Variants in XKR4 observed in about 807,000 individuals in gnomAD.
XKR4 encodes the protein XK related 4, also known as XK-related protein 4.
Under a neutral mutation model 53.9 loss-of-function variants are expected in XKR4, and 12 were observed. The observed-to-expected ratio is 0.22, with a 90% confidence interval of 0.14 to 0.36. XKR4 has a LOEUF of 0.36. Among genes scored for constraint, XKR4 ranks in the 10% least tolerant of loss-of-function variants. The pLI, the probability that XKR4 is intolerant of heterozygous loss-of-function variation, is 1.00. For synonymous variants in XKR4, 354 were observed against 362.4 expected (o/e 0.98, Z 0.26); for missense variants, 799 against 859.5 (o/e 0.93, Z 0.88).
chr8:55,207,986 G>T (rs1308294166), intron 1 of XKR4, among the ~76,000 whole-genome samples: 1 of 152,196 alleles, frequency 6.6e-6, no homozygotes, highest in East Asian at 1.9e-4. Flanking sequence ...CCTTGTTTTA[G>T]CAGAATGATA....
intron 1 of XKR4, chr8:55,140,180 CTTTA>C (rs1409139532): frequency 4.7e-6 from 2 of 425,790 alleles, no homozygotes; most frequent in Non-Finnish European, 9.3e-6. Flanking sequence ...GTCTTTTCTT[CTTTA>C]TTTATCTCAA....
At chr8:55,338,156 A>G (rs2979055) in intron 1 of XKR4, among the ~76,000 whole-genome samples, 123,247 of 152,254 alleles carry the variant, frequency 0.81, 50,786 homozygotes, top group African/African-American at 0.95. Flanking sequence ...TTTAAAAAAG[A>G]ATCTGTTTTT....
At chr8:55,147,532 C>G (rs749899471) in intron 1 of XKR4, among the ~76,000 whole-genome samples, 1 of 152,190 alleles carries the variant, frequency 6.6e-6, no homozygotes, top group Admixed American at 6.5e-5. Flanking sequence ...AGTTCACATG[C>G]TTTTGAGGGG....
chr8:55,213,610 G>C (rs965985212), intron 1 of XKR4, among the ~76,000 whole-genome samples: 21 of 152,288 alleles, frequency 1.4e-4, no homozygotes, highest in African/African-American at 4.6e-4. Flanking sequence ...TCCCAGGCAA[G>C]AAGGGGGTTT....
intron 1 of XKR4, among the ~76,000 whole-genome samples, chr8:55,138,757 T>C (rs1816663441): frequency 6.6e-6 from 1 of 152,228 alleles, no homozygotes; most frequent in Non-Finnish European, 1.5e-5. Flanking sequence ...TAGATGGAGA[T>C]GCAGGGTTGA....
intron 1 of XKR4, among the ~76,000 whole-genome samples, chr8:55,309,950 C>A (rs566169966): frequency 6.6e-6 from 1 of 152,190 alleles, no homozygotes; most frequent in African/African-American, 2.4e-5. Context: ...TCTGAATGTG[C>A]CTTATAGCAG....
At chr8:55,146,656 CTT>C (rs765010994) in intron 1 of XKR4, among the ~76,000 whole-genome samples, 6 of 152,194 alleles carry the variant, frequency 3.9e-5, no homozygotes, top group Non-Finnish European at 5.9e-5. Context: ...GAAACTGTAT[CTT>C]TTTCATGTCT....
chr8:55,490,472 C>A (rs1393052909), intron 2 of XKR4, among the ~76,000 whole-genome samples: 1 of 152,102 alleles, frequency 6.6e-6, no homozygotes, highest in Non-Finnish European at 1.5e-5. Flanking sequence ...ATGCTTAGTA[C>A]ATGATGACAG....
intron 2 of XKR4, among the ~76,000 whole-genome samples, chr8:55,397,096 GTC>G (rs1804531294): frequency 6.6e-6 from 1 of 152,162 alleles, no homozygotes; most frequent in African/African-American, 2.4e-5. Flanking sequence ...CTAATTCTAT[GTC>G]TGCACAAAAA....
At chr8:55,116,897 C>T (rs1326976499) in intron 1 of XKR4, among the ~76,000 whole-genome samples, 1 of 152,118 alleles carries the variant, frequency 6.6e-6, no homozygotes, top group African/African-American at 2.4e-5. Context: ...CTTGCTACTA[C>T]CCACCTGTGT....
At chr8:55,461,221 C>G (rs1486892383) in intron 2 of XKR4, among the ~76,000 whole-genome samples, 1 of 152,206 alleles carries the variant, frequency 6.6e-6, no homozygotes, top group African/African-American at 2.4e-5. Context: ...GGAAGGCACC[C>G]CCCAGTAGGG....
At position 55,304,106 on chromosome 8, in the gene XKR4, G is replaced by C. The variant is rs552916757; in HGVS notation, c.807-53572G>C. ...TTGTGACGTTAGGGTGTCGATTTTG[G>C]ATCTTTCCTGCTTTCTCTTGTGGGC... On this transcript the variant is annotated intron_variant, in intron 1 of 2. Transcript: ENST00000327381. Among the ~76,000 whole-genome samples the C allele has an allele frequency of 4.6e-5, 7 of 152,118 alleles. No homozygotes were observed. In the South Asian group the frequency reaches 1.5e-3, roughly 32 times the overall value.
At chr8:55,266,226 G>A (rs1387520586) in intron 1 of XKR4, among the ~76,000 whole-genome samples, 1 of 151,640 alleles carries the variant, frequency 6.6e-6, no homozygotes, top group African/African-American at 2.4e-5. Flanking sequence ...GCAGGTATGA[G>A]GCAAAGCTGA....
intron 1 of XKR4, among the ~76,000 whole-genome samples, chr8:55,127,459 G>A (rs1351731711): frequency 6.6e-6 from 1 of 151,498 alleles, no homozygotes; most frequent in African/African-American, 2.4e-5. Context: ...CACCATGTTG[G>A]CCAGGCTGGT....
chr8:55,273,035 T>C, intron 1 of XKR4: 1 of 367,588 alleles, frequency 2.7e-6, no homozygotes, highest in South Asian at 2.1e-5. Flanking sequence ...GGTGATGTAA[T>C]TCCATTCAAT....
At chr8:55,352,401 A>G (rs1803736626) in intron 1 of XKR4, among the ~76,000 whole-genome samples, 1 of 152,236 alleles carries the variant, frequency 6.6e-6, no homozygotes, top group Non-Finnish European at 1.5e-5. Context: ...AAGGTTAGGA[A>G]GAAAGGTTAA....
In XKR4 at chr8:55,162,974, A is replaced by G. The variant is rs1221163148; in HGVS notation, c.806+59680A>G. On this transcript the variant is annotated intron_variant, in intron 1 of 2. Coordinates refer to ENST00000327381, the MANE Select transcript of XKR4 (RefSeq NM_052898.2). ...GTTACAAAATACATATTATACAAAT[A>G]TATAATATTGTAAAATGCTTTACAT... Among the ~76,000 whole-genome samples, 4 of 152,252 alleles carry G rather than the reference A, an allele frequency of 2.6e-5. No homozygotes were observed. In the East Asian group the frequency reaches 5.8e-4, roughly 22 times the overall value.
At chr8:55,228,870 C>T (rs1197322358) in intron 1 of XKR4, among the ~76,000 whole-genome samples, 1 of 146,322 alleles carries the variant, frequency 6.8e-6, no homozygotes, top group East Asian at 2.0e-4. Context: ...CACACACACA[C>T]ATTCTCTCTT....
chr8:55,247,855 C>CTTT (rs1166258777), intron 1 of XKR4, among the ~76,000 whole-genome samples: 41 of 59,866 alleles, frequency 6.8e-4, no homozygotes, highest in Non-Finnish European at 8.6e-4. Context: ...TTCTTTCTTT[C>CTTT]TTTTTTTTTT....
Sources: allele counts gnomAD v4.1 joint callset (sites outside exome capture counted in the v4.1 genomes callset), GRCh38; gene constraint gnomAD v4.1.1; transcripts MANE v1.5; gene names NCBI Gene and HGNC (gene_info 2026-07-23, HGNC 2026-07-21).